POLG2: variants seen among roughly 807,000 people sequenced by gnomAD.
The protein encoded by POLG2 is DNA polymerase gamma 2, accessory subunit.
Under a neutral mutation model 56.5 loss-of-function variants are expected in POLG2, and 50 were observed. The observed-to-expected ratio is 0.88, with a 90% CI of 0.71 to 1.12. The LOEUF is 1.12. Among genes scored for constraint, POLG2 ranks in the 50% most tolerant of loss-of-function variants. POLG2 has a pLI of 0.00. For missense variants in POLG2, 584 were observed against 583.3 expected (o/e 1.00, Z -0.01); for synonymous variants, 226 against 222.6 (o/e 1.02, Z -0.14).
intron 5 of POLG2, 66 bp downstream of exon 5, chr17:64,485,662 A>T (rs2037937206): frequency 3.2e-6 from 4 of 1,238,500 alleles, no homozygotes; most frequent in Non-Finnish European, 4.8e-6. Flanking sequence ...CGAGCACACT[A>T]ACATTAAGAA....
intron 3 of POLG2, chr17:64,491,812 C>A: frequency 2.0e-6 from 1 of 490,326 alleles, no homozygotes. Flanking sequence ...CTGCACTCCC[C>A]CAGCAACCTT....
chr17:64,482,404 C>T (rs2037877194), intron 6 of POLG2, among the ~76,000 whole-genome samples: 1 of 151,868 alleles, frequency 6.6e-6, no homozygotes, highest in Non-Finnish European at 1.5e-5. Flanking sequence ...TCACTGCAAC[C>T]TCTGCCTCCT....
At chr17:64,481,495 A>G in intron 6 of POLG2, 2 of 654,374 alleles carry the variant, frequency 3.1e-6, no homozygotes, top group Non-Finnish European at 3.8e-6. Flanking sequence ...AAGAGTATTT[A>G]ATCATTAGAA....
In POLG2 at chr17:64,496,792, G is replaced by A. The variant is rs782466597; in HGVS notation, c.177C>T (p.Ala59=). 34 of 1,613,870 alleles carry A rather than the reference G, an allele frequency of 2.1e-5. No homozygotes were observed. The highest frequency in any genetic ancestry group is 2.8e-5 in the Non-Finnish European group (33 of 1,180,024). The change falls in exon 1 of 8, where the codon GCC becomes GCT. Residue 59 remains alanine (A), a synonymous_variant. Coordinates refer to ENST00000539111, the MANE Select transcript of POLG2 (RefSeq NM_007215.4). ...CCTCGCTTCCCTCTCCAGACCCGGG[G>A]GCTTCTGGGTGCTCGCCGTTCCCCT... ...ELEGNGEHPE[A]PGSGEGSEAL...
intron 3 of POLG2, chr17:64,491,769 C>T (rs1189018484): frequency 1.5e-5 from 10 of 650,984 alleles, no homozygotes; most frequent in South Asian, 2.9e-5. Context: ...CAAGCACGAG[C>T]GGCTATGCAA....
intron 4 of POLG2, among the ~76,000 whole-genome samples, chr17:64,489,738 T>C (rs1019336856): frequency 1.4e-4 from 21 of 150,994 alleles, no homozygotes; most frequent in Admixed American, 5.9e-4. Context: ...GCCTGAGTGA[T>C]AGAGTGAGAT....
chr17:64,496,918 C>G lies in POLG2; in HGVS notation c.51G>C (p.Leu17=). The change falls in exon 1 of 8, where the codon CTG becomes CTC. Residue 17 remains leucine, a synonymous_variant. Coordinates refer to ENST00000539111, the MANE Select transcript of POLG2 (RefSeq NM_007215.4). The stretch of plus-strand genomic sequence containing the variant: ...CTACTCGACCCCCAAACCCAGACAA[C>G]AGGCACCTGCAGACCTTATGGCAGG... The part of the protein sequence containing the change: ...VRACHKVCRC[L]LSGFGGRVDA... The G allele has an allele frequency of 6.2e-7, 1 of 1,612,212 alleles. No individual in the cohort carries two copies. Among genetic ancestry groups the G allele is most frequent in the Non-Finnish European group, 8.5e-7 (1 of 1,180,032 alleles).
intron 7 of POLG2, among the ~76,000 whole-genome samples, 190 bp from the exon 8 acceptor site, chr17:64,478,178 C>T (rs201908802): frequency 1.3e-5 from 2 of 152,282 alleles, no homozygotes; most frequent in East Asian, 3.9e-4. Flanking sequence ...CAGACAGTTT[C>T]TAACTTATTG....
intron 7 of POLG2, among the ~76,000 whole-genome samples, chr17:64,479,554 C>G (rs1184096460): frequency 1.3e-5 from 2 of 151,612 alleles, no homozygotes; most frequent in African/African-American, 4.9e-5. Context: ...ACTTTTCACC[C>G]AAAAGATACA....
intron 1 of POLG2, among the ~76,000 whole-genome samples, chr17:64,495,360 G>A (rs530748920): frequency 9.2e-5 from 14 of 152,206 alleles, no homozygotes; most frequent in Non-Finnish European, 2.1e-4. Flanking sequence ...TGGGCGGATT[G>A]CTTAAGCTCA....
At chr17:64,488,570 A>C (rs1392551652) in intron 4 of POLG2, among the ~76,000 whole-genome samples, 2 of 152,152 alleles carry the variant, frequency 1.3e-5, no homozygotes, top group Non-Finnish European at 1.5e-5. Context: ...AAAATAAGAC[A>C]CTAATAGCCA....
chr17:64,481,384 C>T (rs781919173), intron 6 of POLG2: 69 of 985,128 alleles, frequency 7.0e-5, no homozygotes, highest in Non-Finnish European at 8.1e-5. Flanking sequence ...TTTTAGTGTC[C>T]GCATTCAGGT....
intron 3 of POLG2, among the ~76,000 whole-genome samples, chr17:64,492,320 T>G (rs1250842237): frequency 6.6e-6 from 1 of 152,162 alleles, no homozygotes; most frequent in Non-Finnish European, 1.5e-5. Context: ...TACAGAGCCA[T>G]TTTGACTAAT....
rs900075076 is a variant in POLG2, at chr17:64,488,044, A to G, written c.970-2176T>C. On this transcript the variant is annotated intron_variant, in intron 4 of 7. Transcript: ENST00000539111. Reference sequence around the variant, plus strand: ...TAAAAAATATATTTGGACATTAACCATAAAATCAACTAAAAACAGATACAA... The same window carrying G: ...TAAAAAATATATTTGGACATTAACCGTAAAATCAACTAAAAACAGATACAA... Among the ~76,000 whole-genome samples the G allele has an allele frequency of 2.0e-5, 3 of 152,190 alleles. No homozygotes were observed. The East Asian group carries it at 5.8e-4, about 29-fold the overall frequency.
intron 1 of POLG2, among the ~76,000 whole-genome samples, chr17:64,494,050 ATC>A (rs1461126894): frequency 6.6e-6 from 1 of 152,224 alleles, no homozygotes; most frequent in Non-Finnish European, 1.5e-5. Context: ...CACCCCAAAT[ATC>A]TTTTACTGTT....
chr17:64,487,835 C>G (rs1315184159), intron 4 of POLG2, among the ~76,000 whole-genome samples: 1 of 151,858 alleles, frequency 6.6e-6, no homozygotes, highest in Non-Finnish European at 1.5e-5. Flanking sequence ...GATCCCATCC[C>G]TATTTAAAAC....
chr17:64,481,437 G>T, intron 6 of POLG2: 1 of 984,850 alleles, frequency 1.0e-6, no homozygotes, highest in South Asian at 4.7e-5. Context: ...GACGACTGCT[G>T]AAGGAGTCTC....
rs781897145 is a variant in POLG2, at chr17:64,496,766, G to A, written c.203C>T (p.Ala68Val). The A allele has an allele frequency of 3.7e-6, 6 of 1,613,882 alleles. No individual in the cohort carries two copies. The Admixed American group carries it at 5.0e-5, about 13-fold the overall frequency. The stretch of plus-strand genomic sequence containing the variant: ...CCTTCTCTGACAGATCTCTAACAGC[G>A]CCTCGCTTCCCTCTCCAGACCCGGG... ...EAPGSGEGSEALLEICQRRHF... is the reference protein window; with the variant it reads ...EAPGSGEGSEVLLEICQRRHF... The change falls in exon 1 of 8, where the codon GCG becomes GTG. Residue 68 changes from alanine (A) to valine (V), a missense_variant. Coordinates refer to ENST00000539111, the MANE Select transcript of POLG2 (RefSeq NM_007215.4).
chr17:64,487,613 C>CAAAAA (rs202042916), intron 4 of POLG2: 1 of 73,668 alleles, frequency 1.4e-5, no homozygotes, highest in African/African-American at 3.9e-5. Flanking sequence ...GACACCATCT[C>CAAAAA]AAAAAAAAAA....
Sources: allele counts gnomAD v4.1 joint callset (sites outside exome capture counted in the v4.1 genomes callset), GRCh38; gene constraint gnomAD v4.1.1; transcripts MANE v1.5; gene names NCBI Gene and HGNC (gene_info 2026-07-23, HGNC 2026-07-21).